The following ATP6V1B1 variants were observed in gnomAD, a reference collection of about 807,000 sequenced individuals.
The protein encoded by ATP6V1B1 is V-type proton ATPase subunit B, kidney isoform.
A neutral mutation model predicts 62.1 loss-of-function variants in ATP6V1B1; 41 were observed. The observed-to-expected ratio is 0.66, with a 90% CI of 0.51 to 0.86. The LOEUF is 0.86. Among genes scored for constraint, ATP6V1B1 ranks in the 40% least tolerant of loss-of-function variants. The pLI is 0.00. For synonymous variants in ATP6V1B1, 253 were observed against 273.4 expected, an observed-to-expected ratio of 0.93 and a Z score of 0.74; for missense variants, 651 against 697.5, an observed-to-expected ratio of 0.93 and a Z score of 0.75.
In ATP6V1B1 at chr2:70,959,125, G is replaced by C; in HGVS notation, c.445+30G>C. On this transcript the variant is annotated intron_variant, in intron 5 of 13. Transcript: ENST00000234396. This position sits in a 1 kb window ranked among gnomAD's most constrained non-coding sequence, Gnocchi z 4.2. Reference sequence around the variant, plus strand: ...GTGACTGGAGGTTCTGGATGGCTTCGGGACCCAGCCCTAACACCTTCCCCA... The same window carrying C: ...GTGACTGGAGGTTCTGGATGGCTTCCGGACCCAGCCCTAACACCTTCCCCA... 6.2e-6 allele frequency: 10 copies of C among 1,609,762 alleles called. No homozygotes were observed. Among genetic ancestry groups the C allele is most frequent in the Non-Finnish European group, 8.5e-6 (10 of 1,176,260 alleles).
rs1572925127 is a variant in ATP6V1B1 at position 70,965,252 on chromosome 2, G to A, written c.*131G>A. The stretch of plus-strand genomic sequence containing the variant: ...CTCCGCTGGCTCCGAGGTGGTGGGG[G>A]CGCCGCACGCTCCATCCCTTTCCCT... On this transcript the variant is annotated 3_prime_UTR_variant, in exon 14 of 14. Transcript: ENST00000234396. 1.6e-6 allele frequency: 2 copies of A among 1,289,554 alleles called. No homozygotes were observed. The highest frequency in any genetic ancestry group is 2.1e-6 in the Non-Finnish European group (2 of 931,282). The allele number at this position is 1,289,554 out of a possible 1,614,324, so 79.9% of individuals were successfully genotyped here. A position where few individuals can be genotyped will look rare whatever the true frequency, so the allele number is the denominator to read the frequency against.
rs1680626351 is a variant in ATP6V1B1, at chr2:70,962,932, T to C, written c.909+32T>C. On this transcript the variant is annotated intron_variant, in intron 9 of 13. Coordinates refer to ENST00000234396, the MANE Select transcript of ATP6V1B1 (RefSeq NM_001692.4). ...TGGCTAGCAAGGGGTGTCAGATTCCTCCCTACCCCTCCCTAAGCCTGACAC... is the reference window on the plus strand; with the variant it reads ...TGGCTAGCAAGGGGTGTCAGATTCCCCCCTACCCCTCCCTAAGCCTGACAC... 1.9e-6 allele frequency: 3 copies of C among 1,612,664 alleles called. No individual in the cohort carries two copies. In the South Asian group the frequency reaches 3.3e-5, roughly 18 times the overall value.
In ATP6V1B1 at chr2:70,959,164, T is replaced by C. The variant is rs1680519745; in HGVS notation, c.445+69T>C. 1 of 1,532,880 alleles carries C rather than the reference T, an allele frequency of 6.5e-7. No homozygotes were observed. Among genetic ancestry groups the C allele is most frequent in the Non-Finnish European group, 9.0e-7 (1 of 1,109,008 alleles). 95.0% of individuals were successfully genotyped at this position (1,532,880 alleles called of 1,614,324 possible). A position where few individuals can be genotyped will look rare whatever the true frequency, so the allele number is the denominator to read the frequency against. ...ACACCTTCCCCACTCTTGGAAGTTC[T>C]GCCCAGACTCACAAGCAGATCAGAT... On this transcript the variant is annotated intron_variant, in intron 5 of 13. Coordinates refer to ENST00000234396, the MANE Select transcript of ATP6V1B1 (RefSeq NM_001692.4). The surrounding 1 kb of genome is among the most constrained non-coding windows in gnomAD (Gnocchi z 4.2).
chr2:70,964,114 A>ATTTTTTTT (rs66905923), intron 11 of ATP6V1B1: 10,797 of 126,730 alleles, frequency 0.085, 1,678 homozygotes, highest in East Asian at 0.12. Context: ...CTTGGCAGGT[A>ATTTTTTTT]TTTTTTTTTT....
rs1308764669 is a variant in ATP6V1B1, at chr2:70,963,995, G to T, written c.1143+341G>T. 1.1e-5 allele frequency: 5 copies of T among 459,442 alleles called. No individual in the cohort carries two copies. Among genetic ancestry groups the T allele is most frequent in the Non-Finnish European group, 2.0e-5 (5 of 249,368 alleles). The allele number at this position is 459,442 out of a possible 1,614,324, so 28.5% of individuals were successfully genotyped here. A position where few individuals can be genotyped will look rare whatever the true frequency, so the allele number is the denominator to read the frequency against. On this transcript the variant is annotated intron_variant, in intron 11 of 13. Coordinates refer to ENST00000234396, the MANE Select transcript of ATP6V1B1 (RefSeq NM_001692.4). This position sits in a 1 kb window ranked among gnomAD's most constrained non-coding sequence, Gnocchi z 4.3. The stretch of plus-strand genomic sequence containing the variant: ...ATCTGGCAGATAGTCAATACTATTT[G>T]CCTTCCCTTTCCAGTTATTTGCTTC...
At chr2:70,943,852 A>ACTCCCACT in intron 2 of ATP6V1B1, 139 bp downstream of exon 2, 1 of 1,299,138 alleles carries the variant, frequency 7.7e-7, no homozygotes, top group South Asian at 1.3e-5. Flanking sequence ...CCAGGCACCC[A>ACTCCCACT]CTCCCACTCT....
intron 2 of ATP6V1B1, chr2:70,944,152 C>A: frequency 7.8e-7 from 1 of 1,287,572 alleles, no homozygotes. Flanking sequence ...GGTGGCAAGT[C>A]AATGCCAACT....
intron 2 of ATP6V1B1, among the ~76,000 whole-genome samples, chr2:70,953,911 C>T (rs1168717496): frequency 6.6e-6 from 1 of 152,120 alleles, no homozygotes; most frequent in Non-Finnish European, 1.5e-5. Context: ...TTCATGTTAT[C>T]TAATTTCTCA....
In ATP6V1B1 at chr2:70,958,052, C is replaced by T. The variant is rs373621560; in HGVS notation, c.181C>T (p.Gln61Ter). Residue 61 changes from glutamine to a stop codon, truncating the protein, a stop_gained, in exon 3 of 14, where the codon CAG becomes TAG. Coordinates refer to ENST00000234396, the MANE Select transcript of ATP6V1B1 (RefSeq NM_001692.4). LOFTEE classifies it high-confidence loss of function. ...TGCTCTCCCCTCCTGCCAGTTTGCC[C>T]AGTATGCGGAGATCGTCCACTTCAC... ...LVVLDRVKFA[Q>*]YAEIVHFTLP... The T allele has an allele frequency of 1.9e-5, 30 of 1,613,826 alleles. No homozygotes were observed. The highest frequency in any genetic ancestry group is 1.6e-4 in the Middle Eastern group (1 of 6,084).
Position 70,963,310 on chromosome 2 carries a change from A to G in ATP6V1B1, c.1058A>G (p.Asp353Gly), listed in dbSNP as rs782575576. Residue 353 changes from aspartate (D) to glycine (G), a missense_variant and splice_region_variant, in exon 10 of 14, where the codon GAC becomes GGC. Coordinates refer to ENST00000234396, the MANE Select transcript of ATP6V1B1 (RefSeq NM_001692.4). This position sits in a 1 kb window ranked among gnomAD's most constrained non-coding sequence, Gnocchi z 4.3. ...TQIPILTMPN[D>G]DITHPIPDLT... ...ATCCCCATCCTCACCATGCCCAACGACGGTAGCCTCCTCACAGCCCACTAC... is the reference window on the plus strand; with the variant it reads ...ATCCCCATCCTCACCATGCCCAACGGCGGTAGCCTCCTCACAGCCCACTAC... The G allele has an allele frequency of 6.2e-7, 1 of 1,612,928 alleles. No homozygotes were observed. Among genetic ancestry groups the G allele is most frequent in the South Asian group, 1.1e-5 (1 of 91,082 alleles).
intron 2 of ATP6V1B1, among the ~76,000 whole-genome samples, chr2:70,954,669 A>T (rs1379586909): frequency 6.6e-6 from 1 of 152,032 alleles, no homozygotes; most frequent in Non-Finnish European, 1.5e-5. Flanking sequence ...TTTTTCATAG[A>T]GATGGGTCTC....
In ATP6V1B1 at chr2:70,963,847, G is replaced by A. The variant is rs1318536050; in HGVS notation, c.1143+193G>A. ...AGCAGAATCTGGTTTACCTGGCTCT[G>A]GGATCTTGAGAAGATAATTTCATCT... On this transcript the variant is annotated intron_variant, in intron 11 of 13. Transcript: ENST00000234396. The surrounding 1 kb of genome is among the most constrained non-coding windows in gnomAD (Gnocchi z 4.3). 6.6e-6 allele frequency among the ~76,000 whole-genome samples: 1 copy of A among 152,208 alleles called. No individual in the cohort carries two copies. The highest frequency in any genetic ancestry group is 2.4e-5 in the African/African-American group (1 of 41,450).
At chr2:70,937,928 G>C (rs959023157) in intron 1 of ATP6V1B1, among the ~76,000 whole-genome samples, 10 of 152,042 alleles carry the variant, frequency 6.6e-5, no homozygotes, top group African/African-American at 2.2e-4. Flanking sequence ...GGCTGTGCCC[G>C]CCCCCCATGT....
intron 2 of ATP6V1B1, among the ~76,000 whole-genome samples, chr2:70,946,131 G>A (rs565968808): frequency 3.9e-5 from 6 of 152,192 alleles, no homozygotes; most frequent in African/African-American, 7.2e-5. Context: ...TTGCTCAAAG[G>A]AAAGGTGAGT....
In ATP6V1B1 at chr2:70,941,734, C is replaced by A. The variant is rs3771386; in HGVS notation, c.119-1924C>A. 9.1e-6 allele frequency: 9 copies of A among 985,548 alleles called. No homozygotes were observed. In the East Asian group the frequency reaches 1.0e-3, roughly 112 times the overall value. The allele number at this position is 985,548 out of a possible 1,614,324, so 61.1% of individuals were successfully genotyped here. On this transcript the variant is annotated intron_variant, in intron 1 of 13. Coordinates refer to ENST00000234396, the MANE Select transcript of ATP6V1B1 (RefSeq NM_001692.4). ...GGAAGCAGGGAGGGAAGGAAGAAGG[C>A]AGATCTCAGAGGAAAGGAGAGGAAG...
chr2:70,961,137 A>T lies in ATP6V1B1; in HGVS notation c.687+115A>T. ...GAAGCCATCAGTGTCCCGGCCAGCC[A>T]GGAGGGGTGAGGATGGGAGCAGTGA... On this transcript the variant is annotated intron_variant, in intron 7 of 13. Transcript: ENST00000234396. 2.7e-6 allele frequency: 3 copies of T among 1,098,186 alleles called. No individual in the cohort carries two copies. The South Asian group carries it at 4.0e-5, about 15-fold the overall frequency. The allele number at this position is 1,098,186 out of a possible 1,614,324, so 68.0% of individuals were successfully genotyped here.
At chr2:70,958,181 A>T in intron 3 of ATP6V1B1, 37 bp downstream of exon 3, 1 of 1,606,526 alleles carries the variant, frequency 6.2e-7, no homozygotes, top group Non-Finnish European at 8.5e-7. Flanking sequence ...TAGTTAAATC[A>T]ATGAATTAAC....
intron 3 of ATP6V1B1, 45 bp from the exon 4 acceptor site, chr2:70,958,288 C>A: frequency 6.2e-7 from 1 of 1,606,272 alleles, no homozygotes; most frequent in Non-Finnish European, 8.5e-7. Flanking sequence ...GCCCCATTCC[C>A]TCCAGCAGGC....
intron 13 of ATP6V1B1, 30 bp downstream of exon 13, chr2:70,964,895 A>T: frequency 6.2e-7 from 1 of 1,614,014 alleles, no homozygotes; most frequent in South Asian, 1.1e-5. Flanking sequence ...TGGAGCCAGT[A>T]ACCTCTTCAC....
Sources: gnomAD v4.1 joint callset for allele counts (sites outside exome capture counted in the v4.1 genomes callset) on GRCh38, gnomAD v4.1.1 for gene constraint, Gnocchi (gnomAD v3.1) non-coding constraint, MANE v1.5 for transcripts, NCBI Gene and HGNC (gene_info 2026-07-23, HGNC 2026-07-21) for gene names.